The following CACNA1E variants were observed in gnomAD, a reference collection of about 807,000 sequenced individuals.
CACNA1E encodes voltage-dependent R-type calcium channel subunit alpha-1E.
A neutral mutation model predicts 259.2 loss-of-function variants in CACNA1E; 40 were observed. The ratio of observed to expected loss-of-function variants is 0.15; its 90% confidence interval spans 0.12 to 0.20. The LOEUF (loss-of-function observed/expected upper bound fraction) is 0.20. CACNA1E is among the 10% of genes least tolerant of loss of function. The pLI, the probability that CACNA1E is intolerant of heterozygous loss-of-function variation, is 1.00. For missense variants in CACNA1E, 1,874 were observed against 3,040.1 expected, an observed-to-expected ratio of 0.62 and a Z score of 9.02; for synonymous variants, 1,104 against 1,138.5, an observed-to-expected ratio of 0.97 and a Z score of 0.61.
At chr1:181,377,923 G>T (rs2609493) in intron 1 of CACNA1E, among the ~76,000 whole-genome samples, 1 of 152,062 alleles carries the variant, frequency 6.6e-6, no homozygotes, top group Non-Finnish European at 1.5e-5. Context: ...ATTTATTGAA[G>T]CCTAACAATG....
chr1:181,375,243 CAAAT>C (rs1372667968), intron 1 of CACNA1E, among the ~76,000 whole-genome samples: 9 of 152,164 alleles, frequency 5.9e-5, no homozygotes, highest in Admixed American at 5.9e-4. Context: ...ATGCATTAGA[CAAAT>C]AACACCTGTG....
intron 1 of CACNA1E, among the ~76,000 whole-genome samples, chr1:181,331,213 GAGATAGAT>G (rs57300831): frequency 4.0e-5 from 6 of 151,670 alleles, no homozygotes; most frequent in African/African-American, 7.3e-5. Flanking sequence ...GAATCAATAG[GAGATAGAT>G]AGATAGATAG....
chr1:181,739,143 G>T lies in CACNA1E; in HGVS notation c.3613-4G>T, dbSNP rs540047644. 3.2e-6 allele frequency: 5 copies of T among 1,576,606 alleles called. No individual in the cohort carries two copies. In the African/African-American group the frequency reaches 4.0e-5, roughly 13 times the overall value. On this transcript the variant is annotated splice_region_variant and splice_polypyrimidine_tract_variant and intron_variant, in intron 24 of 47. Coordinates refer to ENST00000367573, the MANE Select transcript of CACNA1E (RefSeq NM_001205293.3). Reference sequence around the variant, plus strand: ...TCACTGTGGCTGTTCATATCCTTCTGCAGATGATAGACCAAGGCTTGATCC... The same window carrying T: ...TCACTGTGGCTGTTCATATCCTTCTTCAGATGATAGACCAAGGCTTGATCC...
At chr1:181,342,762 G>A (rs1325186738) in intron 1 of CACNA1E, among the ~76,000 whole-genome samples, 2 of 152,218 alleles carry the variant, frequency 1.3e-5, no homozygotes, top group South Asian at 2.1e-4. Context: ...GGCAGAGAAA[G>A]AGGACCACTG....
chr1:181,633,355 G>A (rs914588083), intron 6 of CACNA1E, among the ~76,000 whole-genome samples: 3 of 152,188 alleles, frequency 2.0e-5, no homozygotes, highest in East Asian at 1.9e-4. Flanking sequence ...CATAGCTTGA[G>A]CGAGTGTTTT....
chr1:181,343,574 C>T (rs1262183279), intron 1 of CACNA1E, among the ~76,000 whole-genome samples: 1 of 152,198 alleles, frequency 6.6e-6, no homozygotes, highest in Non-Finnish European at 1.5e-5. Context: ...GGTGCAGAAT[C>T]ATGAGCCAAA....
intron 7 of CACNA1E, among the ~76,000 whole-genome samples, chr1:181,705,785 C>T (rs1652737641): frequency 6.6e-6 from 1 of 152,210 alleles, no homozygotes; most frequent in Non-Finnish European, 1.5e-5. Context: ...CCAGATCTAT[C>T]CCTGCCTCTG....
At chr1:181,671,727 TAAACAAAC>T (rs538283934) in intron 7 of CACNA1E, among the ~76,000 whole-genome samples, 2 of 152,156 alleles carry the variant, frequency 1.3e-5, no homozygotes, top group Non-Finnish European at 2.9e-5. Context: ...CCAACTGGGC[TAAACAAAC>T]AAACAAACAA....
In CACNA1E at chr1:181,716,088, G is replaced by T; in HGVS notation, c.1274G>T (p.Arg425Leu). ...AGGAGCCGGACAGAGGCCATGACTC[G>T]AGACTCCAGTGATGAGCACTGTGTT... ...IKRSRTEAMT[R>L]DSSDEHCVDI... Residue 425 changes from arginine (R) to leucine (L), a missense_variant, in exon 10 of 48, where the codon CGA becomes CTA. Physicochemically the swap from Arg to Leu is moderately radical, Grantham distance 102. Around this residue, in one of 14 missense-constraint regions of CACNA1E, gnomAD observed 157 missense variants for 203.5 expected, o/e 0.77. Coordinates refer to ENST00000367573, the MANE Select transcript of CACNA1E (RefSeq NM_001205293.3). 1.3e-6 allele frequency: 2 copies of T among 1,573,578 alleles called. No individual in the cohort carries two copies. The highest frequency in any genetic ancestry group is 4.7e-5 in the East Asian group (2 of 42,740).
In CACNA1E at chr1:181,386,461, G is replaced by A. The variant is rs186746386; in HGVS notation, c.-14-26672G>A. ...CAAGGCAGGGGCTGTCTGAGCCACAGTAGGCAGTTTGAGGTTTATTCTAGG... is the reference window on the plus strand; with the variant it reads ...CAAGGCAGGGGCTGTCTGAGCCACAATAGGCAGTTTGAGGTTTATTCTAGG... On this transcript the variant is annotated intron_variant, in intron 1 of 11. Coordinates refer to the CACNA1E transcript ENST00000524607. 3.9e-5 allele frequency among the ~76,000 whole-genome samples: 6 copies of A among 152,300 alleles called. No homozygotes were observed. The East Asian group carries it at 1.2e-3, about 29-fold the overall frequency.
chr1:181,424,205 C>T (rs1479661235), intron 2 of CACNA1E, among the ~76,000 whole-genome samples: 2 of 152,240 alleles, frequency 1.3e-5, no homozygotes, highest in Non-Finnish European at 2.9e-5. Flanking sequence ...AGCACATGCC[C>T]TGCTTTCTTG....
In CACNA1E at chr1:181,388,605, T is replaced by C. The variant is rs73042278; in HGVS notation, c.-14-24528T>C. ...AAGGTACAATAAAAATATGGTATTA[T>C]AAGCCGGGCACGGTGACTCACGCTT... On this transcript the variant is annotated intron_variant, in intron 1 of 11. Coordinates refer to the CACNA1E transcript ENST00000524607. 6.3e-3 allele frequency among the ~76,000 whole-genome samples: 966 copies of C among 152,296 alleles called. 7 individuals carry two copies. The highest frequency in any genetic ancestry group is 0.013 in the African/African-American group (542 of 41,574).
At chr1:181,405,241 G>T (rs1009384265) in intron 1 of CACNA1E, among the ~76,000 whole-genome samples, 1 of 152,232 alleles carries the variant, frequency 6.6e-6, no homozygotes, top group Non-Finnish European at 1.5e-5. Flanking sequence ...GCTCTAATTG[G>T]AGATCCCCAG....
chr1:181,424,863 C>T (rs1455239727), intron 2 of CACNA1E, among the ~76,000 whole-genome samples: 5 of 152,064 alleles, frequency 3.3e-5, no homozygotes, highest in African/African-American at 1.2e-4. Context: ...ATCAGAGTCT[C>T]CTCCCTGTTT....
chr1:181,687,233 A>C (rs1650673005), intron 7 of CACNA1E, among the ~76,000 whole-genome samples: 1 of 152,182 alleles, frequency 6.6e-6, no homozygotes, highest in South Asian at 2.1e-4. Context: ...TTTCCCACCA[A>C]AAGTCTTCTA....
intron 3 of CACNA1E, among the ~76,000 whole-genome samples, chr1:181,528,029 A>G (rs1218751903): frequency 1.3e-5 from 2 of 151,488 alleles, no homozygotes; most frequent in African/African-American, 4.9e-5. Flanking sequence ...ACCATTTTTT[A>G]TCTGTTTCAT....
chr1:181,415,631 A>G (rs1020367395), intron 2 of CACNA1E, among the ~76,000 whole-genome samples: 1 of 152,232 alleles, frequency 6.6e-6, no homozygotes, highest in African/African-American at 2.4e-5. Context: ...AGAAGGAAAC[A>G]CTGGCTTTGG....
At chr1:181,645,497 C>A (rs1037193828) in intron 6 of CACNA1E, among the ~76,000 whole-genome samples, 3 of 152,130 alleles carry the variant, frequency 2.0e-5, no homozygotes, top group African/African-American at 7.2e-5. Context: ...CTCCATCTTT[C>A]TTCTACCTCC....
chr1:181,441,209 G>A (rs1442691877), intron 2 of CACNA1E, among the ~76,000 whole-genome samples: 5 of 152,066 alleles, frequency 3.3e-5, no homozygotes, highest in Non-Finnish European at 5.9e-5. Flanking sequence ...GTGCAGTGGC[G>A]CAATCTCGGC....
Sources: gnomAD v4.1 joint callset for allele counts (sites outside exome capture counted in the v4.1 genomes callset) on GRCh38, gnomAD v4.1.1 for gene constraint, gnomAD v4.1.1 regional missense constraint, MANE v1.5 for transcripts, NCBI Gene and HGNC (gene_info 2026-07-23, HGNC 2026-07-21) for gene names.